Variants in SNTG1 observed in about 807,000 individuals in gnomAD.
SNTG1 encodes the protein gamma-1-syntrophin.
In SNTG1, 39 loss-of-function variants were observed where a neutral mutation model predicts 74.7. That is an observed-to-expected ratio of 0.52 (90% CI 0.40 to 0.68). SNTG1 has a LOEUF of 0.68. SNTG1 is among the 30% of genes least tolerant of loss of function. SNTG1 has a pLI of 0.00. For synonymous variants in SNTG1, 254 were observed against 217.1 expected, an observed-to-expected ratio of 1.17 and a Z score of -1.49; for missense variants, 685 against 609.5, an observed-to-expected ratio of 1.12 and a Z score of -1.30.
At chr8:50,050,228 G>T (rs1819452442) in intron 1 of SNTG1, among the ~76,000 whole-genome samples, 1 of 151,716 alleles carries the variant, frequency 6.6e-6, no homozygotes, top group South Asian at 2.1e-4. Context: ...AAAAAAGAGA[G>T]AAGACACAAA....
rs1387671729 is a variant in SNTG1, at chr8:49,967,200, A to G, written c.-103+54969A>G. Among the ~76,000 whole-genome samples, 5 of 152,154 alleles carry G rather than the reference A, an allele frequency of 3.3e-5. 1 individual carries two copies. In the East Asian group the frequency reaches 9.6e-4, roughly 29 times the overall value. On this transcript the variant is annotated intron_variant, in intron 1 of 18. Coordinates refer to ENST00000642720, the MANE Select transcript of SNTG1 (RefSeq NM_018967.5). ...AAAAAACAGATGTACAGTATAGGTT[A>G]TTTCTTCCCCAAAGTCACATGTTTA...
chr8:50,549,923 T>G (rs909491984), intron 11 of SNTG1, among the ~76,000 whole-genome samples: 2 of 152,092 alleles, frequency 1.3e-5, no homozygotes, highest in African/African-American at 4.8e-5. Flanking sequence ...TCTAATGACT[T>G]TAAGGGGGAA....
intron 8 of SNTG1, among the ~76,000 whole-genome samples, chr8:50,472,450 T>C (rs190943569): frequency 2.8e-3 from 420 of 152,242 alleles, no homozygotes; most frequent in African/African-American, 9.5e-3. Flanking sequence ...CAAATGGTGT[T>C]GGGAAAACTG....
chr8:50,035,401 G>A (rs1025071203), intron 1 of SNTG1, among the ~76,000 whole-genome samples: 2 of 152,160 alleles, frequency 1.3e-5, no homozygotes, highest in East Asian at 3.9e-4. Context: ...CCCTCATCTG[G>A]CTTGTGAACA....
chr8:50,658,559 A>G, intron 14 of SNTG1, 33 bp from the exon 15 acceptor site: 5 of 1,493,502 alleles, frequency 3.3e-6, no homozygotes, highest in Non-Finnish European at 3.7e-6. Flanking sequence ...ACTTTCTAAA[A>G]CAAATTAAAC....
chr8:49,938,603 T>TTTTTTTCTTTC (rs1554524905), intron 1 of SNTG1, among the ~76,000 whole-genome samples: 1 of 74,754 alleles, frequency 1.3e-5, no homozygotes, highest in African/African-American at 4.5e-5. Flanking sequence ...TTTTCTTTTC[T>TTTTTTTCTTTC]TTTCTTTCTT....
chr8:50,703,445 G>C (rs1397114473), intron 15 of SNTG1, among the ~76,000 whole-genome samples: 4 of 151,920 alleles, frequency 2.6e-5, no homozygotes, highest in African/African-American at 4.8e-5. Context: ...GCAATAACAC[G>C]CATGGAGCTG....
intron 2 of SNTG1, among the ~76,000 whole-genome samples, chr8:50,264,583 A>G (rs1373250075): frequency 6.6e-6 from 1 of 151,800 alleles, no homozygotes; most frequent in South Asian, 2.1e-4. Flanking sequence ...ATAAAAAAAA[A>G]AAGAAGAAAG....
At chr8:50,067,992 C>T (rs554431872) in intron 1 of SNTG1, among the ~76,000 whole-genome samples, 1 of 152,266 alleles carries the variant, frequency 6.6e-6, no homozygotes, top group South Asian at 2.1e-4. Context: ...CGTCCAGGCA[C>T]ACCCAAACAT....
intron 1 of SNTG1, among the ~76,000 whole-genome samples, chr8:50,110,882 A>C (rs931558954): frequency 6.6e-6 from 1 of 152,176 alleles, no homozygotes; most frequent in Non-Finnish European, 1.5e-5. Flanking sequence ...TAGCATATAA[A>C]AATATAGGAT....
chr8:50,320,789 A>G (rs1023361900), intron 2 of SNTG1, among the ~76,000 whole-genome samples: 1 of 152,050 alleles, frequency 6.6e-6, no homozygotes, highest in Non-Finnish European at 1.5e-5. Flanking sequence ...ATTCAGGATC[A>G]TATCGTTTCA....
intron 8 of SNTG1, among the ~76,000 whole-genome samples, chr8:50,458,816 C>A (rs886141545): frequency 2.0e-5 from 3 of 152,052 alleles, no homozygotes; most frequent in Non-Finnish European, 2.9e-5. Flanking sequence ...CATAATCTGG[C>A]CACAAGTCAG....
chr8:50,701,739 TTTCTTCTCC>T lies in SNTG1; in HGVS notation c.1039-2844_1039-2836del, dbSNP rs1480169742. On this transcript the variant is annotated intron_variant, in intron 15 of 18. Transcript: ENST00000642720. The stretch of plus-strand genomic sequence containing the variant: ...TCCTCTTTTTCTTCTTCTTTTTCTT[TTTCTTCTCC>T]TTCTTCTCCTTCTTCTTCTTCTTCT... 8.0e-3 allele frequency among the ~76,000 whole-genome samples: 516 copies of T among 64,186 alleles called. 3 individuals are homozygous for T. The highest frequency in any genetic ancestry group is 0.021 in the African/African-American group (398 of 18,762). The allele number at this position is 64,186 out of a possible 152,430, so 42.1% of individuals were successfully genotyped here.
At chr8:50,074,556 T>C (rs1821655181) in intron 1 of SNTG1, among the ~76,000 whole-genome samples, 1 of 152,194 alleles carries the variant, frequency 6.6e-6, no homozygotes, top group Non-Finnish European at 1.5e-5. Context: ...TCAATTAAGT[T>C]TGAAGTTGTA....
rs577328278 is a variant in SNTG1 at position 50,616,208 on chromosome 8, C to T, written c.849+25291C>T. On this transcript the variant is annotated intron_variant, in intron 13 of 18. Transcript: ENST00000642720. The stretch of plus-strand genomic sequence containing the variant: ...TTGACCAAACAGCTAGCCCAGATGA[C>T]ATATAAAATTAACTGTTACAGTAAG... 7.9e-5 allele frequency among the ~76,000 whole-genome samples: 12 copies of T among 152,258 alleles called. 1 individual carries two copies. In the South Asian group the frequency reaches 1.7e-3, roughly 21 times the overall value.
At chr8:50,179,378 T>C (rs541726391) in intron 2 of SNTG1, among the ~76,000 whole-genome samples, 1 of 152,308 alleles carries the variant, frequency 6.6e-6, no homozygotes, top group South Asian at 2.1e-4. Context: ...ATTCAATCTG[T>C]ATATGGCTTT....
At chr8:50,091,192 G>A (rs1229348923) in intron 1 of SNTG1, among the ~76,000 whole-genome samples, 1 of 151,964 alleles carries the variant, frequency 6.6e-6, no homozygotes, top group Non-Finnish European at 1.5e-5. Context: ...AAGGTGTAAA[G>A]CATGATGTTT....
chr8:50,654,143 G>T (rs2095166075), intron 13 of SNTG1, among the ~76,000 whole-genome samples: 1 of 151,986 alleles, frequency 6.6e-6, no homozygotes, highest in Non-Finnish European at 1.5e-5. Flanking sequence ...AAAATTCTTA[G>T]CCATCATCTC....
At chr8:50,499,582 G>T (rs1585474404) in intron 8 of SNTG1, among the ~76,000 whole-genome samples, 1 of 151,604 alleles carries the variant, frequency 6.6e-6, no homozygotes, top group East Asian at 1.9e-4. Context: ...AAAGTAGACA[G>T]TGTGGACACT....
Sources: allele counts gnomAD v4.1 joint callset (sites outside exome capture counted in the v4.1 genomes callset), GRCh38; gene constraint gnomAD v4.1.1; transcripts MANE v1.5; gene names NCBI Gene and HGNC (gene_info 2026-07-23, HGNC 2026-07-21).